Variants in GARIN1A observed in about 807,000 individuals in gnomAD.
GARIN1A encodes Golgi-associated RAB2 interactor protein 1A.
the GARIN1A span, chr7:128,683,190 A>G: frequency 6.7e-5 from 102 of 1,526,106 alleles, no homozygotes; most frequent in Non-Finnish European, 8.6e-5. Context: ...TTCCTTGCAT[A>G]CGTGTACTTG....
chr7:128,673,725 C>T, the GARIN1A span, among the ~76,000 whole-genome samples: 15 of 152,320 alleles, frequency 9.8e-5, no homozygotes, highest in East Asian at 5.8e-4. Flanking sequence ...TGCCGCTCCA[C>T]GGTCCCTTTA....
At chr7:128,673,713 C>T in the GARIN1A span, among the ~76,000 whole-genome samples, 2 of 152,180 alleles carry the variant, frequency 1.3e-5, no homozygotes, top group Admixed American at 6.5e-5. Context: ...GTTTATGGCT[C>T]CTGCCGCTCC....
the GARIN1A span, among the ~76,000 whole-genome samples, chr7:128,696,262 T>A: frequency 2.0e-5 from 3 of 152,016 alleles, no homozygotes; most frequent in Non-Finnish European, 4.4e-5. Context: ...AAAGTGATCC[T>A]CCTGCCTCAG....
At chr7:128,690,116 C>T in the GARIN1A span, among the ~76,000 whole-genome samples, 80 of 152,204 alleles carry the variant, frequency 5.3e-4, 2 homozygotes, top group Non-Finnish European at 1.2e-4. Context: ...CCCCCAACCC[C>T]ATGCTCTCTG....
chr7:128,689,758 C>T, the GARIN1A span, among the ~76,000 whole-genome samples: 4 of 115,822 alleles, frequency 3.5e-5, no homozygotes, highest in Non-Finnish European at 5.8e-5. Context: ...CAGCCCCCGC[C>T]GGCCAGCCAC....
At chr7:128,693,971 A>G in the GARIN1A span, 3 of 152,280 alleles carry the variant, frequency 2.0e-5, no homozygotes, top group Admixed American at 2.0e-4. Context: ...TTTTACAGAT[A>G]CGACAACCAA....
the GARIN1A span, chr7:128,682,878 A>C: frequency 9.2e-7 from 1 of 1,090,890 alleles, no homozygotes; most frequent in African/African-American, 1.6e-5. Context: ...CACCCAGCTG[A>C]AAGTGGTTTT....
At chr7:128,696,381 C>G in the GARIN1A span, among the ~76,000 whole-genome samples, 2 of 152,138 alleles carry the variant, frequency 1.3e-5, no homozygotes, top group African/African-American at 4.8e-5. Flanking sequence ...CACTGCCCCT[C>G]TGTGTCTCAT....
the GARIN1A span, among the ~76,000 whole-genome samples, chr7:128,704,315 T>TC: frequency 6.6e-6 from 1 of 151,680 alleles, no homozygotes; most frequent in East Asian, 1.9e-4. Context: ...AACCTTTTTT[T>TC]TTTTTTTGAA....
chr7:128,678,999 T>C, the GARIN1A span, among the ~76,000 whole-genome samples: 1 of 151,514 alleles, frequency 6.6e-6, no homozygotes, highest in Non-Finnish European at 1.5e-5. Context: ...GTTACATACA[T>C]ATATACTTAT....
the GARIN1A span, chr7:128,675,874 G>T: frequency 1.3e-6 from 2 of 1,556,372 alleles, no homozygotes; most frequent in Non-Finnish European, 1.8e-6. Flanking sequence ...AGGCTTGAGG[G>T]AGGGCGGGAA....
the GARIN1A span, among the ~76,000 whole-genome samples, chr7:128,708,255 G>A: frequency 1.3e-5 from 2 of 150,438 alleles, no homozygotes; most frequent in South Asian, 4.2e-4. Flanking sequence ...TCAAACTCCT[G>A]AGCTCAAACA....
At chr7:128,683,020 C>T in the GARIN1A span, 1 of 1,610,482 alleles carries the variant, frequency 6.2e-7, no homozygotes, top group African/African-American at 1.3e-5. Context: ...ATACCCTCTC[C>T]AGTGGCATCT....
chr7:128,675,986 C>A, the GARIN1A span: 31 of 582,302 alleles, frequency 5.3e-5, no homozygotes, highest in Admixed American at 9.1e-5. Flanking sequence ...AGAACTCATT[C>A]ATTCATTTGT....
the GARIN1A span, among the ~76,000 whole-genome samples, chr7:128,673,112 T>C: frequency 2.0e-5 from 3 of 152,122 alleles, no homozygotes; most frequent in Non-Finnish European, 4.4e-5. Flanking sequence ...GCTGCCTGCC[T>C]CCCTCTAGCG....
chr7:128,702,762 G>A, the GARIN1A span, among the ~76,000 whole-genome samples: 858 of 152,308 alleles, frequency 5.6e-3, 3 homozygotes, highest in Non-Finnish European at 9.5e-3. Flanking sequence ...GAGATTGTCA[G>A]ATCAGCTTTA....
At chr7:128,695,236 G>A in the GARIN1A span, among the ~76,000 whole-genome samples, 3 of 152,302 alleles carry the variant, frequency 2.0e-5, no homozygotes, top group Admixed American at 2.0e-4. The surrounding 1 kb of genome is among the most constrained non-coding windows in gnomAD (Gnocchi z 4.5). Context: ...CTCTGCCCCA[G>A]AGGCTGGGAA....
At chr7:128,698,492 A>G in the GARIN1A span, among the ~76,000 whole-genome samples, 4 of 152,196 alleles carry the variant, frequency 2.6e-5, no homozygotes, top group African/African-American at 9.6e-5. Flanking sequence ...GCTAGGTCCT[A>G]TAATCTTCAA....
At chr7:128,696,223 G>T in the GARIN1A span, among the ~76,000 whole-genome samples, 1 of 151,866 alleles carries the variant, frequency 6.6e-6, no homozygotes, top group Non-Finnish European at 1.5e-5. Context: ...TTGCTATATT[G>T]CCCAAGCTGG....
Sources: gnomAD v4.1 joint callset for allele counts (sites outside exome capture counted in the v4.1 genomes callset) on GRCh38, gnomAD v4.1.1 for gene constraint, Gnocchi (gnomAD v3.1) non-coding constraint, MANE v1.5 for transcripts, NCBI Gene and HGNC (gene_info 2026-07-23, HGNC 2026-07-21) for gene names.